SPEN: variants seen among roughly 807,000 people sequenced by gnomAD.
SPEN encodes spen family transcriptional repressor.
In SPEN, 18 loss-of-function variants were observed where a neutral mutation model predicts 269.9. That is an observed-to-expected ratio of 0.07 (90% CI 0.05 to 0.10). The LOEUF (loss-of-function observed/expected upper bound fraction) is 0.10. Ranked by LOEUF, SPEN falls within the 10% of genes least tolerant of loss-of-function variation. The probability of loss-of-function intolerance (pLI) is 1.00; values close to 1 mark genes in which losing one functional copy is unlikely to be tolerated. For synonymous variants in SPEN, 1,726 were observed against 1,765.7 expected (o/e 0.98, Z 0.56); for missense variants, 3,822 against 4,631.2 (o/e 0.83, Z 5.07).
At chr1:15,923,794 C>T (rs988844474) in intron 10 of SPEN, among the ~76,000 whole-genome samples, 1 of 151,758 alleles carries the variant, frequency 6.6e-6, no homozygotes, top group Non-Finnish European at 1.5e-5. Context: ...CTCAGCCTCC[C>T]GAGTAGCTGG....
At chr1:15,888,006 T>C (rs1367973003) in intron 3 of SPEN, among the ~76,000 whole-genome samples, 1 of 151,628 alleles carries the variant, frequency 6.6e-6, no homozygotes, top group Non-Finnish European at 1.5e-5. Flanking sequence ...CCAGCTTGGG[T>C]GACCGAGGGA....
intron 1 of SPEN, among the ~76,000 whole-genome samples, chr1:15,865,575 G>A (rs1352234845): frequency 6.7e-6 from 1 of 149,146 alleles, no homozygotes; most frequent in African/African-American, 2.5e-5. Context: ...GGCACGCACC[G>A]CCACATCCGG....
At chr1:15,893,351 T>C (rs1006702182) in intron 3 of SPEN, among the ~76,000 whole-genome samples, 1 of 152,158 alleles carries the variant, frequency 6.6e-6, no homozygotes, top group African/African-American at 2.4e-5. Flanking sequence ...AGGGGCAGAT[T>C]AGCTTCCTGA....
rs201593389 is a variant in SPEN at position 15,880,254 on chromosome 1, A to AT, written c.881+3585dup. On this transcript the variant is annotated intron_variant, in intron 3 of 14. Coordinates refer to ENST00000375759, the MANE Select transcript of SPEN (RefSeq NM_015001.3). ...AGATTCTTCCTTTTTATAAATCACTATTTTTTTTTCCCTTCTGAGAGGTTA... is the reference window on the plus strand; with the variant it reads ...AGATTCTTCCTTTTTATAAATCACTATTTTTTTTTTCCCTTCTGAGAGGTTA... Among the ~76,000 whole-genome samples, 531 of 149,570 alleles carry AT rather than the reference A, an allele frequency of 3.6e-3. 6 individuals carry two copies. Among genetic ancestry groups the AT allele is most frequent in the African/African-American group, 0.013 (511 of 40,628 alleles).
At chr1:15,882,752 T>C (rs1433434287) in intron 3 of SPEN, among the ~76,000 whole-genome samples, 1 of 152,160 alleles carries the variant, frequency 6.6e-6, no homozygotes, top group Non-Finnish European at 1.5e-5. Context: ...GCATATACAA[T>C]GGGACACACC....
chr1:15,887,183 C>T (rs1044549066), intron 3 of SPEN, among the ~76,000 whole-genome samples: 3 of 151,820 alleles, frequency 2.0e-5, no homozygotes, highest in Non-Finnish European at 4.4e-5. Flanking sequence ...ACTGTGTTGT[C>T]CAGGCTGGTC....
rs1020922357 is a variant in SPEN at position 15,873,517 on chromosome 1, C to T, written c.404+381C>T. ...TGTGTTCATACTATATGGAATATTT[C>T]TGGAATATTAGAGCCTACAGATTCT... On this transcript the variant is annotated intron_variant, in intron 2 of 14. Coordinates refer to ENST00000375759, the MANE Select transcript of SPEN (RefSeq NM_015001.3). 9.0e-6 allele frequency: 9 copies of T among 999,378 alleles called. No individual in the cohort carries two copies. In the African/African-American group the frequency reaches 1.2e-4, roughly 14 times the overall value. 61.9% of individuals were successfully genotyped at this position (999,378 alleles called of 1,614,324 possible). A position where few individuals can be genotyped will look rare whatever the true frequency, so the allele number is the denominator to read the frequency against.
At chr1:15,936,656 G>C (rs1330783906) in intron 11 of SPEN, among the ~76,000 whole-genome samples, 2 of 102,400 alleles carry the variant, frequency 2.0e-5, no homozygotes. Context: ...AAAAAAAAAA[G>C]CCGGGCATAG....
chr1:15,939,155 G>T lies in SPEN; in HGVS notation c.10864-141G>T. ...CTGACACCTGCTAGGTCTTCCAGTA[G>T]ACATAGTCCTGGCACATTTGCTGGT... On this transcript the variant is annotated intron_variant, in intron 14 of 14. Coordinates refer to ENST00000375759, the MANE Select transcript of SPEN (RefSeq NM_015001.3). The surrounding 1 kb of genome is among the most constrained non-coding windows in gnomAD (Gnocchi z 4.1). 8.3e-7 allele frequency: 1 copy of T among 1,211,646 alleles called. No individual in the cohort carries two copies. The allele number at this position is 1,211,646 out of a possible 1,614,324, so 75.1% of individuals were successfully genotyped here.
chr1:15,867,406 C>T (rs1227325943), intron 1 of SPEN, among the ~76,000 whole-genome samples: 1 of 152,168 alleles, frequency 6.6e-6, no homozygotes. Flanking sequence ...CCATGTTGCG[C>T]AGGCTGGTCT....
chr1:15,890,588 G>T (rs2070779714), intron 3 of SPEN, among the ~76,000 whole-genome samples: 1 of 146,836 alleles, frequency 6.8e-6, no homozygotes, highest in Admixed American at 6.8e-5. Flanking sequence ...TTTAAGACTG[G>T]GTCTTGCTCT....
In SPEN at chr1:15,937,311, C is replaced by G; in HGVS notation, c.10175C>G (p.Ala3392Gly). 1 of 1,613,926 alleles carries G rather than the reference C, an allele frequency of 6.2e-7. No individual in the cohort carries two copies. The highest frequency in any genetic ancestry group is 8.5e-7 in the Non-Finnish European group (1 of 1,179,998). The part of the protein sequence containing the change: ...SSKMPQVSQE[A>G]KGTQTGVEQP... ...AAGATGCCTCAAGTGTCCCAGGAGG[C>G]AAAGGGGACCCAGACGGGAGTAGAG... is the stretch of plus-strand genomic sequence containing the variant. The change falls in exon 12 of 15, where the codon GCA becomes GGA. Residue 3392 changes from alanine (A) to glycine (G), a missense_variant. By Grantham distance (60) the Ala-to-Gly change is moderately conservative. Around this residue, in one of 16 missense-constraint regions of SPEN, gnomAD observed 359 missense variants for 377.3 expected, o/e 0.95. Transcript: ENST00000375759. This position sits in a 1 kb window ranked among gnomAD's most constrained non-coding sequence, Gnocchi z 5.7.
chr1:15,888,131 C>T (rs1384852386), intron 3 of SPEN, among the ~76,000 whole-genome samples: 12 of 148,640 alleles, frequency 8.1e-5, no homozygotes, highest in South Asian at 4.3e-4. Flanking sequence ...TTTTTTGAGA[C>T]GGGGTCTCAC....
In SPEN at chr1:15,876,636, G is replaced by A; in HGVS notation, c.839G>A (p.Ser280Asn). ...SGSGSRSRSS[S>N]SDSISSSSST... ...AGCGGCTCTAGAAGTAGATCCTCCAGTAGTGATTCAATCAGCAGCAGCAGT... is the reference window on the plus strand; with the variant it reads ...AGCGGCTCTAGAAGTAGATCCTCCAATAGTGATTCAATCAGCAGCAGCAGT... The change falls in exon 3 of 15, where the codon AGT (serine) becomes AAT (asparagine). Residue 280 changes from serine to asparagine, a missense_variant. By Grantham distance (46) the Ser-to-Asn change is conservative. Around this residue, in one of 16 missense-constraint regions of SPEN, gnomAD observed 327 missense variants for 350.8 expected, o/e 0.93. Coordinates refer to ENST00000375759, the MANE Select transcript of SPEN (RefSeq NM_015001.3). The A allele has an allele frequency of 6.2e-7, 1 of 1,613,644 alleles. No individual in the cohort carries two copies.
intron 3 of SPEN, among the ~76,000 whole-genome samples, chr1:15,896,502 A>G (rs983046921): frequency 2.0e-5 from 3 of 152,088 alleles, no homozygotes; most frequent in Admixed American, 6.6e-5. Context: ...AGCCTTTACC[A>G]TCACTTTAGT....
intron 10 of SPEN, among the ~76,000 whole-genome samples, chr1:15,924,564 G>A (rs906071590): frequency 3.3e-5 from 5 of 152,044 alleles, no homozygotes; most frequent in Admixed American, 1.3e-4. Flanking sequence ...GGGTTCAAGC[G>A]ATTCTCCTGC....
At chr1:15,879,503 G>T (rs1012747357) in intron 3 of SPEN, among the ~76,000 whole-genome samples, 1 of 152,110 alleles carries the variant, frequency 6.6e-6, no homozygotes, top group African/African-American at 2.4e-5. Context: ...ACTGCTAGAA[G>T]GGTAGGATGC....
Position 15,855,638 on chromosome 1 carries a change from C to T in SPEN, c.83+7488C>T, listed in dbSNP as rs377576643. Among the ~76,000 whole-genome samples the T allele has an allele frequency of 1.6e-4, 24 of 151,866 alleles. No individual in the cohort carries two copies. The East Asian group carries it at 3.7e-3, about 23-fold the overall frequency. On this transcript the variant is annotated intron_variant, in intron 1 of 14. Transcript: ENST00000375759. ...ACTTTGGGAGGCTGAGGCGGGCGGG[C>T]GGATCATGAGGTCAGGAGTTTGAGA... is the stretch of plus-strand genomic sequence containing the variant.
intron 3 of SPEN, among the ~76,000 whole-genome samples, chr1:15,885,089 ATGATCATAG>A (rs2070724581): frequency 6.6e-6 from 1 of 152,212 alleles, no homozygotes; most frequent in Non-Finnish European, 1.5e-5. Context: ...TTTTTCGGTG[ATGATCATAG>A]AAACAAATTT....
Sources: gnomAD v4.1 joint callset for allele counts (sites outside exome capture counted in the v4.1 genomes callset) on GRCh38, gnomAD v4.1.1 for gene constraint, gnomAD v4.1.1 regional missense constraint, Gnocchi (gnomAD v3.1) non-coding constraint, MANE v1.5 for transcripts, NCBI Gene and HGNC (gene_info 2026-07-23, HGNC 2026-07-21) for gene names.